Variants in DSCAML1 observed in about 807,000 individuals in gnomAD.
DSCAML1 encodes cell adhesion molecule DSCAML1.
In DSCAML1, 38 loss-of-function variants were observed where a neutral mutation model predicts 200.5. That is an observed-to-expected ratio of 0.19 (90% CI 0.15 to 0.25). The LOEUF (loss-of-function observed/expected upper bound fraction) is 0.25, where lower values mean the gene tolerates loss of function less well. Ranked by LOEUF, DSCAML1 falls within the 10% of genes least tolerant of loss-of-function variation. The probability of loss-of-function intolerance (pLI) is 1.00; values close to 1 mark genes in which losing one functional copy is unlikely to be tolerated. For synonymous variants in DSCAML1, 1,215 were observed against 1,165.0 expected (o/e 1.04, Z -0.87); for missense variants, 2,223 against 2,858.8 (o/e 0.78, Z 5.07).
intron 11 of DSCAML1, among the ~76,000 whole-genome samples, chr11:117,497,099 G>A (rs2049303617): frequency 1.3e-5 from 2 of 152,096 alleles, no homozygotes; most frequent in South Asian, 4.1e-4. Flanking sequence ...ACATGCCCTC[G>A]AGTCTCCACT....
intron 3 of DSCAML1, among the ~76,000 whole-genome samples, chr11:117,537,864 C>G (rs540869454): frequency 6.6e-6 from 1 of 152,334 alleles, no homozygotes; most frequent in South Asian, 2.1e-4. Flanking sequence ...TAGAGAGACG[C>G]TGGCCCTGCC....
chr11:117,468,611 G>A (rs1423969087), intron 16 of DSCAML1, among the ~76,000 whole-genome samples: 1 of 152,176 alleles, frequency 6.6e-6, no homozygotes, highest in Non-Finnish European at 1.5e-5. Context: ...TTTCTGAGGA[G>A]AGCCCTGGAA....
intron 3 of DSCAML1, among the ~76,000 whole-genome samples, chr11:117,685,451 G>A (rs2053387846): frequency 6.6e-6 from 1 of 152,210 alleles, no homozygotes; most frequent in Non-Finnish European, 1.5e-5. Context: ...GCAGGGTCAT[G>A]GGCAGGGCAT....
intron 3 of DSCAML1, among the ~76,000 whole-genome samples, chr11:117,573,809 G>A (rs953014916): frequency 8.5e-5 from 13 of 152,332 alleles, no homozygotes; most frequent in Non-Finnish European, 1.5e-4. Context: ...TTTTCCTGGT[G>A]AAGGAGAACC....
intron 1 of DSCAML1, among the ~76,000 whole-genome samples, chr11:117,794,572 G>A (rs750447333): frequency 6.6e-6 from 1 of 151,894 alleles, no homozygotes; most frequent in Non-Finnish European, 1.5e-5. Flanking sequence ...GCCTCCTCCC[G>A]CTCCTCACAG....
intron 3 of DSCAML1, among the ~76,000 whole-genome samples, chr11:117,550,869 T>G (rs1056488330): frequency 6.6e-6 from 1 of 152,216 alleles, no homozygotes; most frequent in African/African-American, 2.4e-5. Flanking sequence ...CTACCTCTGT[T>G]AACTCCTCCG....
intron 11 of DSCAML1, among the ~76,000 whole-genome samples, chr11:117,494,955 A>T (rs1016897339): frequency 6.6e-6 from 1 of 152,040 alleles, no homozygotes; most frequent in Non-Finnish European, 1.5e-5. Context: ...TTGATGTCAG[A>T]CTCCCAGCCT....
chr11:117,671,164 A>T (rs2053098409), intron 3 of DSCAML1, among the ~76,000 whole-genome samples: 1 of 152,220 alleles, frequency 6.6e-6, no homozygotes, highest in African/African-American at 2.4e-5. Context: ...GCAGTGTTTG[A>T]TATGCAAATG....
At chr11:117,763,112 A>G (rs73587428) in intron 3 of DSCAML1, among the ~76,000 whole-genome samples, 8,627 of 152,090 alleles carry the variant, frequency 0.057, 342 homozygotes, top group African/African-American at 0.098. Flanking sequence ...CAGCAGCCCG[A>G]GGAGGGGCAC....
chr11:117,452,345 CTT>C (rs2048299057), intron 19 of DSCAML1, among the ~76,000 whole-genome samples: 1 of 152,170 alleles, frequency 6.6e-6, no homozygotes, highest in Non-Finnish European at 1.5e-5. Flanking sequence ...TAAATTGAGT[CTT>C]TTATCAGAAC....
At position 117,480,233 on chromosome 11, in the gene DSCAML1, G is replaced by T. The variant is rs956898471; in HGVS notation, c.2785+210C>A. On this transcript the variant is annotated intron_variant, in intron 14 of 32. Coordinates refer to ENST00000651296, the MANE Select transcript of DSCAML1 (RefSeq NM_020693.4). The surrounding 1 kb of genome is among the most constrained non-coding windows in gnomAD (Gnocchi z 4.1). ...GCTGACATCACTACCCATCAACTGGGGGTCTCCATCTTCCACCCGGACTCC... is the reference window on the plus strand; with the variant it reads ...GCTGACATCACTACCCATCAACTGGTGGTCTCCATCTTCCACCCGGACTCC... Among the ~76,000 whole-genome samples the T allele has an allele frequency of 6.6e-6, 1 of 152,186 alleles. No individual in the cohort carries two copies. Among genetic ancestry groups the T allele is most frequent in the African/African-American group, 2.4e-5 (1 of 41,450 alleles).
intron 3 of DSCAML1, among the ~76,000 whole-genome samples, chr11:117,752,165 C>T (rs2137870318): frequency 6.6e-6 from 1 of 152,224 alleles, no homozygotes; most frequent in East Asian, 1.9e-4. Flanking sequence ...AGATAGGAGC[C>T]CTGATTCCAG....
chr11:117,632,253 C>T (rs931452069), intron 3 of DSCAML1, among the ~76,000 whole-genome samples: 1 of 152,142 alleles, frequency 6.6e-6, no homozygotes, highest in Non-Finnish European at 1.5e-5. Flanking sequence ...TAGCCACATG[C>T]GGTCTTGGAT....
intron 4 of DSCAML1, among the ~76,000 whole-genome samples, chr11:117,531,894 AGAAAGAAAGGGAAGG>A (rs1266501085): frequency 7.1e-6 from 1 of 141,482 alleles, no homozygotes; most frequent in African/African-American, 2.7e-5. Flanking sequence ...CTCAGGAAAA[AGAAAGAAAGGGAAGG>A]GAAGGAAAGG....
intron 3 of DSCAML1, among the ~76,000 whole-genome samples, chr11:117,546,574 C>G (rs1038375881): frequency 6.6e-6 from 1 of 152,038 alleles, no homozygotes; most frequent in South Asian, 2.1e-4. Context: ...TGTGGAGTTA[C>G]CAGAAAGGAC....
At chr11:117,552,094 G>A (rs1412588196) in intron 3 of DSCAML1, among the ~76,000 whole-genome samples, 2 of 151,920 alleles carry the variant, frequency 1.3e-5, no homozygotes, top group Non-Finnish European at 2.9e-5. Context: ...GAGGAGCTGC[G>A]GTAACAGAGC....
chr11:117,753,912 G>C (rs1372342808), intron 3 of DSCAML1, among the ~76,000 whole-genome samples: 3 of 152,214 alleles, frequency 2.0e-5, no homozygotes, highest in Non-Finnish European at 4.4e-5. Flanking sequence ...CTAAGCCTCT[G>C]TGATTCTAGG....
chr11:117,588,005 A>G (rs911795708), intron 3 of DSCAML1, among the ~76,000 whole-genome samples: 2 of 152,196 alleles, frequency 1.3e-5, no homozygotes, highest in Non-Finnish European at 2.9e-5. Flanking sequence ...AGCAAATGGT[A>G]CATGGTGTTT....
intron 3 of DSCAML1, among the ~76,000 whole-genome samples, chr11:117,576,154 C>A (rs1173008614): frequency 6.6e-6 from 1 of 152,148 alleles, no homozygotes; most frequent in Non-Finnish European, 1.5e-5. Flanking sequence ...GCTGCTGTAC[C>A]CTTACCCGGA....
Sources: allele counts gnomAD v4.1 joint callset (sites outside exome capture counted in the v4.1 genomes callset), GRCh38; gene constraint gnomAD v4.1.1; non-coding constraint Gnocchi (gnomAD v3.1); transcripts MANE v1.5; gene names NCBI Gene and HGNC (gene_info 2026-07-23, HGNC 2026-07-21).